Variants in TYW3 observed in about 807,000 individuals in gnomAD.
The protein encoded by TYW3 is tRNA wybutosine-synthesizing protein 3 homolog.
A neutral mutation model predicts 23.1 loss-of-function variants in TYW3; 26 were observed. That is an observed-to-expected ratio of 1.13 (90% CI 0.83 to 1.56). The LOEUF is 1.56. TYW3 is among the 40% of genes most tolerant of loss of function. The pLI is 0.00. For synonymous variants in TYW3, 102 were observed against 105.7 expected (o/e 0.97, Z 0.21); for missense variants, 316 against 311.9 (o/e 1.01, Z -0.10).
chr1:74,746,485 A>G (rs1205061626), intron 3 of TYW3, among the ~76,000 whole-genome samples: 1 of 152,190 alleles, frequency 6.6e-6, no homozygotes, highest in African/African-American at 2.4e-5. Context: ...GAGCCCAGCC[A>G]TGCTCTTCTT....
At position 74,752,402 on chromosome 1, in the gene TYW3, G is replaced by A. The variant is rs780184806; in HGVS notation, c.537G>A (p.Glu179=). 1.9e-6 allele frequency: 3 copies of A among 1,613,016 alleles called. No homozygotes were observed. The highest frequency in any genetic ancestry group is 2.5e-6 in the Non-Finnish European group (3 of 1,179,520). The change falls in exon 5 of 6, where the codon GAG becomes GAA. Residue 179 remains glutamate, a synonymous_variant. Transcript: ENST00000370867. ...FLLNVANQKM[E]ENKKRIERFY... ...TAAATGTGGCAAATCAAAAAATGGA[G>A]GAAAACAAGAAAAGAATTGAGAGGT...
intron 5 of TYW3, among the ~76,000 whole-genome samples, chr1:74,756,989 C>T (rs1344154954): frequency 6.6e-6 from 1 of 152,244 alleles, no homozygotes; most frequent in Non-Finnish European, 1.5e-5. Flanking sequence ...ACCTTGGCAG[C>T]TTCCATGTGG....
At chr1:74,763,534 A>T (rs934880695) in intron 5 of TYW3, among the ~76,000 whole-genome samples, 3 of 152,152 alleles carry the variant, frequency 2.0e-5, no homozygotes, top group Non-Finnish European at 4.4e-5. Flanking sequence ...ATTTCTAGTT[A>T]TGTAGAGGTG....
chr1:74,763,340 A>G (rs1649190352), intron 5 of TYW3, among the ~76,000 whole-genome samples: 1 of 152,130 alleles, frequency 6.6e-6, no homozygotes, highest in Non-Finnish European at 1.5e-5. Flanking sequence ...TTGAATGTAA[A>G]TAAAGGCCAA....
At chr1:74,740,575 AT>A (rs1648317228) in intron 3 of TYW3, among the ~76,000 whole-genome samples, 1 of 152,114 alleles carries the variant, frequency 6.6e-6, no homozygotes, top group East Asian at 1.9e-4. Flanking sequence ...AGATTGGTGC[AT>A]TTACAATCCT....
At position 74,764,244 on chromosome 1, in the gene TYW3, A is replaced by G. The variant is rs973808750; in HGVS notation, c.*131A>G. The G allele has an allele frequency of 1.2e-4, 90 of 762,418 alleles. No individual in the cohort carries two copies. The African/African-American group carries it at 1.5e-3, about 12-fold the overall frequency. 47.2% of individuals were successfully genotyped at this position (762,418 alleles called of 1,614,324 possible). On this transcript the variant is annotated 3_prime_UTR_variant, in exon 6 of 6. Coordinates refer to ENST00000370867, the MANE Select transcript of TYW3 (RefSeq NM_138467.3). The stretch of plus-strand genomic sequence containing the variant: ...CAGTAATGACAAGTGCAGAGCTTCA[A>G]ACTATAACTTTGTTGCCCAGAGGAT...
intron 1 of TYW3, 181 bp from the exon 2 acceptor site, chr1:74,736,361 T>A: frequency 2.5e-6 from 1 of 404,790 alleles, no homozygotes; most frequent in Non-Finnish European, 4.5e-6. Flanking sequence ...CCTCAAGTTA[T>A]TTGGGCTCAT....
At chr1:74,735,428 A>G (rs1197190028) in intron 1 of TYW3, among the ~76,000 whole-genome samples, 3 of 152,042 alleles carry the variant, frequency 2.0e-5, no homozygotes, top group African/African-American at 4.8e-5. Context: ...CATACTACCT[A>G]CTTGGAAGTA....
At chr1:74,743,623 C>T (rs957760477) in intron 3 of TYW3, among the ~76,000 whole-genome samples, 1 of 152,086 alleles carries the variant, frequency 6.6e-6, no homozygotes, top group Non-Finnish European at 1.5e-5. Context: ...CTCCTTAGTC[C>T]TTCTAGAACA....
intron 1 of TYW3, among the ~76,000 whole-genome samples, chr1:74,733,705 T>C (rs149842818): frequency 1.1e-3 from 166 of 152,362 alleles, no homozygotes; most frequent in African/African-American, 3.9e-3. Flanking sequence ...ATGTTGAAAC[T>C]GCTGACCTGG....
chr1:74,756,593 T>TA (rs2100774420), intron 5 of TYW3, among the ~76,000 whole-genome samples: 1 of 152,306 alleles, frequency 6.6e-6, no homozygotes, highest in East Asian at 1.9e-4. Flanking sequence ...TGGGTGCTGT[T>TA]AAACACATTC....
rs1204738085 is a variant in TYW3, at chr1:74,764,890, A to ATT, written c.*777_*778insTT. On this transcript the variant is annotated 3_prime_UTR_variant, in exon 6 of 6. Coordinates refer to ENST00000370867, the MANE Select transcript of TYW3 (RefSeq NM_138467.3). ...CATGGTATAGTCAGTGATGGGGAAT[A>ATT]GTCCAGAAAGGCTGAAACACAGCAT... 1 of 152,264 alleles carries ATT rather than the reference A, an allele frequency of 6.6e-6. No individual in the cohort carries two copies. Among genetic ancestry groups the ATT allele is most frequent in the Non-Finnish European group, 1.5e-5 (1 of 68,068 alleles). The allele number at this position is 152,264 out of a possible 1,614,324, so 9.4% of individuals were successfully genotyped here.
chr1:74,736,730 G>T, intron 2 of TYW3, 108 bp downstream of exon 2: 1 of 835,944 alleles, frequency 1.2e-6, no homozygotes, highest in Non-Finnish European at 1.8e-6. Flanking sequence ...AGTTATAATG[G>T]CTGAAGATTA....
chr1:74,762,140 G>A (rs1649156760), intron 5 of TYW3, among the ~76,000 whole-genome samples: 1 of 152,248 alleles, frequency 6.6e-6, no homozygotes, highest in Middle Eastern at 3.4e-3. Context: ...ATATCAAGGT[G>A]TACAGTGATG....
chr1:74,735,367 A>C (rs1304046741), intron 1 of TYW3, among the ~76,000 whole-genome samples: 1 of 151,948 alleles, frequency 6.6e-6, no homozygotes, highest in Non-Finnish European at 1.5e-5. Flanking sequence ...ATCTCTGCAT[A>C]TCTGAGACAT....
In TYW3 at chr1:74,764,057, AATG is replaced by A. The variant is rs112765232; in HGVS notation, c.739_741del (p.Asp247del). ...TAAAGAAAGTGATGAAGAACTTGAA[AATG>A]ATGATGATGATGATCTAGGAATCAA... On this transcript the variant is annotated inframe_deletion, in exon 6 of 6. Transcript: ENST00000370867. The A allele has an allele frequency of 1.5e-3, 2,383 of 1,612,624 alleles. 32 individuals are homozygous for A. In the African/African-American group the frequency reaches 0.027, roughly 19 times the overall value.
chr1:74,759,374 C>CTTTTTTTT (rs573044759), intron 5 of TYW3, among the ~76,000 whole-genome samples: 3 of 135,142 alleles, frequency 2.2e-5, no homozygotes, highest in East Asian at 4.3e-4. Context: ...CTTTTCTTTT[C>CTTTTTTTT]TTTTTTTTTT....
At chr1:74,750,062 T>G (rs1167640214) in intron 4 of TYW3, 2 of 152,296 alleles carry the variant, frequency 1.3e-5, no homozygotes, top group African/African-American at 4.8e-5. Context: ...TTTCACCTTC[T>G]TCTTTGTTTC....
intron 3 of TYW3, among the ~76,000 whole-genome samples, chr1:74,746,537 A>C (rs1320415868): frequency 1.3e-5 from 2 of 152,186 alleles, no homozygotes; most frequent in African/African-American, 4.8e-5. Context: ...TCAGGGAGCT[A>C]ATTGAAGTGG....
Sources: allele counts gnomAD v4.1 joint callset (sites outside exome capture counted in the v4.1 genomes callset), GRCh38; gene constraint gnomAD v4.1.1; transcripts MANE v1.5; gene names NCBI Gene and HGNC (gene_info 2026-07-23, HGNC 2026-07-21).